The following RMDN1 variants were observed in gnomAD, a reference collection of about 807,000 sequenced individuals.
RMDN1 encodes regulator of microtubule dynamics protein 1.
RMDN1 carries 48 observed loss-of-function variants against 48.9 expected under a neutral mutation model. That is an observed-to-expected ratio of 0.98 (90% confidence interval 0.78 to 1.25). RMDN1 has a LOEUF of 1.25. Ranked by LOEUF, RMDN1 falls within the 50% of genes most tolerant of loss-of-function variation. RMDN1 has a pLI of 0.00. For missense variants in RMDN1, 418 were observed against 373.4 expected, an observed-to-expected ratio of 1.12 and a Z score of -0.98; for synonymous variants, 148 against 132.6, an observed-to-expected ratio of 1.12 and a Z score of -0.80.
intron 2 of RMDN1, among the ~76,000 whole-genome samples, chr8:86,493,229 A>G (rs932826687): frequency 6.6e-6 from 1 of 152,166 alleles, no homozygotes; most frequent in Non-Finnish European, 1.5e-5. Flanking sequence ...TTGTTTTAAG[A>G]AAATAAAGCT....
At chr8:86,508,062 C>G (rs536588125) in intron 1 of RMDN1, 1 of 160,368 alleles carries the variant, frequency 6.2e-6, no homozygotes, top group South Asian at 2.0e-4. Context: ...AAACAAAAAC[C>G]TAAACAGTAT....
intron 2 of RMDN1, among the ~76,000 whole-genome samples, chr8:86,505,935 T>C (rs1819267251): frequency 6.6e-6 from 1 of 152,214 alleles, no homozygotes; most frequent in Non-Finnish European, 1.5e-5. Flanking sequence ...TGGAACTTTT[T>C]TCTTTTAATA....
downstream of RMDN1, among the ~76,000 whole-genome samples, chr8:86,472,187 C>G (rs1051360792): frequency 7.2e-5 from 11 of 152,268 alleles, no homozygotes; most frequent in African/African-American, 2.6e-4. Context: ...TGTGTCTATA[C>G]ACACACAAAC....
Sources: gnomAD v4.1 joint callset for allele counts (sites outside exome capture counted in the v4.1 genomes callset) on GRCh38, gnomAD v4.1.1 for gene constraint, MANE v1.5 for transcripts, NCBI Gene and HGNC (gene_info 2026-07-23, HGNC 2026-07-21) for gene names.